The following SEMA3A variants were observed in gnomAD, a reference collection of about 807,000 sequenced individuals.
The protein encoded by SEMA3A is semaphorin 3A, also known as semaphorin-3A.
SEMA3A carries 29 observed loss-of-function variants against 97.9 expected under a neutral mutation model. The ratio of observed to expected loss-of-function variants is 0.30; its 90% confidence interval spans 0.22 to 0.40. SEMA3A has a LOEUF of 0.40. Ranked by LOEUF, SEMA3A falls within the 10% of genes least tolerant of loss-of-function variation. The pLI is 1.00. For synonymous variants in SEMA3A, 321 were observed against 323.7 expected (o/e 0.99, Z 0.09); for missense variants, 763 against 951.3 (o/e 0.80, Z 2.60).
intron 1 of SEMA3A, among the ~76,000 whole-genome samples, chr7:84,450,314 C>T (rs1805524228): frequency 6.6e-6 from 1 of 152,086 alleles, no homozygotes; most frequent in Admixed American, 6.6e-5. Flanking sequence ...GATGACCAAG[C>T]TCTTCCACTC....
intron 2 of SEMA3A, among the ~76,000 whole-genome samples, chr7:84,371,477 T>C (rs1444022867): frequency 2.6e-5 from 4 of 151,830 alleles, no homozygotes; most frequent in Non-Finnish European, 5.9e-5. Context: ...GGAAAAGCAT[T>C]TAGGTCTTAA....
intron 3 of SEMA3A, among the ~76,000 whole-genome samples, chr7:84,223,062 G>A (rs1392540693): frequency 6.6e-6 from 1 of 151,796 alleles, no homozygotes; most frequent in African/African-American, 2.4e-5. Context: ...CCTTTGGCAT[G>A]GCAACTTACA....
chr7:84,251,591 G>T (rs1005891907), intron 3 of SEMA3A, among the ~76,000 whole-genome samples: 1 of 152,114 alleles, frequency 6.6e-6, no homozygotes, highest in Non-Finnish European at 1.5e-5. Flanking sequence ...TCATGGAGTG[G>T]GTGTCCCACA....
intron 2 of SEMA3A, among the ~76,000 whole-genome samples, chr7:84,322,726 G>T (rs139731523): frequency 6.6e-6 from 1 of 152,062 alleles, no homozygotes; most frequent in Non-Finnish European, 1.5e-5. Context: ...CATTAGCAGC[G>T]TGAGAACAGA....
intron 1 of SEMA3A, among the ~76,000 whole-genome samples, chr7:84,425,568 A>T (rs1804795910): frequency 1.4e-5 from 2 of 145,950 alleles, no homozygotes; most frequent in African/African-American, 5.0e-5. Context: ...TTATATGAGT[A>T]TAAACATATA....
At chr7:84,325,515 G>A (rs928408459) in intron 2 of SEMA3A, among the ~76,000 whole-genome samples, 3 of 151,886 alleles carry the variant, frequency 2.0e-5, no homozygotes, top group African/African-American at 7.3e-5. Flanking sequence ...TATTCTTCTA[G>A]GAGTAGCAAG....
At chr7:84,283,691 CATA>C (rs1800510752) in intron 3 of SEMA3A, among the ~76,000 whole-genome samples, 1 of 151,764 alleles carries the variant, frequency 6.6e-6, no homozygotes, top group South Asian at 2.1e-4. Context: ...TGTTGTTAAA[CATA>C]ATAATAAATA....
intron 3 of SEMA3A, among the ~76,000 whole-genome samples, chr7:84,200,788 G>GT (rs1202208904): frequency 3.9e-5 from 5 of 129,668 alleles, no homozygotes; most frequent in Admixed American, 1.6e-4. Flanking sequence ...AAATACCTGG[G>GT]TTTTTTTTCC....
At chr7:84,350,929 G>A (rs2116023775) in intron 2 of SEMA3A, among the ~76,000 whole-genome samples, 1 of 152,228 alleles carries the variant, frequency 6.6e-6, no homozygotes, top group South Asian at 2.1e-4. Context: ...ATTGCGAAGT[G>A]TAAAAGTAAG....
chr7:84,049,011 T>C (rs1450145319), intron 5 of SEMA3A, among the ~76,000 whole-genome samples: 1 of 152,090 alleles, frequency 6.6e-6, no homozygotes, highest in Non-Finnish European at 1.5e-5. Context: ...TGCAAATTAA[T>C]GTAAAGGCAG....
At chr7:84,238,357 G>A (rs755402930) in intron 3 of SEMA3A, among the ~76,000 whole-genome samples, 2 of 151,894 alleles carry the variant, frequency 1.3e-5, no homozygotes, top group African/African-American at 2.4e-5. Flanking sequence ...GTGAGCCATC[G>A]TGCCTGGTGG....
intron 3 of SEMA3A, among the ~76,000 whole-genome samples, chr7:84,209,247 CA>C (rs1167218056): frequency 2.0e-5 from 3 of 152,066 alleles, no homozygotes; most frequent in Non-Finnish European, 4.4e-5. Flanking sequence ...CTCAGTGATC[CA>C]AGTAGGAATG....
At chr7:84,227,186 A>G (rs911434438) in intron 3 of SEMA3A, among the ~76,000 whole-genome samples, 6 of 151,796 alleles carry the variant, frequency 4.0e-5, no homozygotes, top group Non-Finnish European at 7.4e-5. Flanking sequence ...ATCTATATCT[A>G]TATAGATATC....
At chr7:84,438,214 C>T (rs749290606) in intron 1 of SEMA3A, among the ~76,000 whole-genome samples, 8 of 152,030 alleles carry the variant, frequency 5.3e-5, no homozygotes, top group Non-Finnish European at 1.2e-4. Context: ...ACCAGAATGA[C>T]TTGGATACAA....
At chr7:84,436,533 C>T (rs939818167) in intron 1 of SEMA3A, among the ~76,000 whole-genome samples, 18 of 152,082 alleles carry the variant, frequency 1.2e-4, no homozygotes, top group African/African-American at 4.3e-4. Context: ...TTTTACTGGG[C>T]CAAAGTCTTT....
At chr7:83,970,959 C>A (rs1466380871) in intron 15 of SEMA3A, among the ~76,000 whole-genome samples, 1 of 152,120 alleles carries the variant, frequency 6.6e-6, no homozygotes, top group Non-Finnish European at 1.5e-5. Flanking sequence ...TGCAGAAATA[C>A]AATAGATGCT....
intron 4 of SEMA3A, among the ~76,000 whole-genome samples, chr7:84,082,314 G>A (rs542429428): frequency 6.6e-6 from 1 of 152,118 alleles, no homozygotes; most frequent in African/African-American, 2.4e-5. Context: ...TCTAGCTACA[G>A]AGCTACACGG....
chr7:84,427,641 T>A (rs1431632461), intron 1 of SEMA3A, among the ~76,000 whole-genome samples: 1 of 104,216 alleles, frequency 9.6e-6, no homozygotes, highest in African/African-American at 3.9e-5. Context: ...CAGAGTGAGA[T>A]TCTGTCTCAA....
chr7:84,210,507 G>A (rs1224299636), intron 3 of SEMA3A, among the ~76,000 whole-genome samples: 1 of 152,138 alleles, frequency 6.6e-6, no homozygotes, highest in Non-Finnish European at 1.5e-5. Context: ...CAAATAAATA[G>A]GAGAGAAAAG....
Sources: gnomAD v4.1 joint callset for allele counts (sites outside exome capture counted in the v4.1 genomes callset) on GRCh38, gnomAD v4.1.1 for gene constraint, MANE v1.5 for transcripts, NCBI Gene and HGNC (gene_info 2026-07-23, HGNC 2026-07-21) for gene names.